Variants in DMXL2 observed in about 807,000 individuals in gnomAD.
DMXL2 encodes the protein dmX-like protein 2.
DMXL2 carries 103 observed loss-of-function variants against 331.1 expected under a neutral mutation model. That is an observed-to-expected ratio of 0.31 (90% confidence interval 0.27 to 0.37). DMXL2 has a LOEUF of 0.37. Ranked by LOEUF, DMXL2 falls within the 10% of genes least tolerant of loss-of-function variation. The pLI is 1.00. For synonymous variants in DMXL2, 1,281 were observed against 1,252.1 expected, an observed-to-expected ratio of 1.02 and a Z score of -0.49; for missense variants, 3,171 against 3,642.9, an observed-to-expected ratio of 0.87 and a Z score of 3.33.
At chr15:51,592,156 TA>T (rs2052407518) in intron 1 of DMXL2, among the ~76,000 whole-genome samples, 1 of 151,478 alleles carries the variant, frequency 6.6e-6, no homozygotes. Context: ...GCAAAGAAGT[TA>T]AAAACCTTGA....
intron 2 of DMXL2, among the ~76,000 whole-genome samples, chr15:51,569,449 A>G (rs8036821): frequency 0.48 from 73,049 of 151,924 alleles, 17,873 homozygotes; most frequent in Non-Finnish European, 0.52. Flanking sequence ...GAGAGCAGCA[A>G]TTCTCCCAGC....
intron 1 of DMXL2, among the ~76,000 whole-genome samples, chr15:51,599,584 C>T (rs1420628535): frequency 6.6e-6 from 1 of 152,220 alleles, no homozygotes; most frequent in African/African-American, 2.4e-5. Flanking sequence ...TGTATACATA[C>T]ACACATTATT....
chr15:51,511,364 C>T (rs1196900849), intron 15 of DMXL2, among the ~76,000 whole-genome samples: 15 of 152,126 alleles, frequency 9.9e-5, no homozygotes, highest in African/African-American at 3.6e-4. Flanking sequence ...ATAACCCCAT[C>T]AAAAAGTGGG....
chr15:51,612,749 C>G (rs1168025900), intron 1 of DMXL2, among the ~76,000 whole-genome samples: 1 of 152,150 alleles, frequency 6.6e-6, no homozygotes, highest in East Asian at 1.9e-4. Context: ...AACATCTTAT[C>G]AGGAGACAGG....
chr15:51,460,279 C>A, intron 33 of DMXL2: 1 of 985,488 alleles, frequency 1.0e-6, no homozygotes, highest in Non-Finnish European at 1.2e-6. Context: ...GAAACAAACT[C>A]TTCCTCATAC....
intron 1 of DMXL2, among the ~76,000 whole-genome samples, chr15:51,600,840 T>C (rs1299528671): frequency 6.6e-6 from 1 of 152,104 alleles, no homozygotes; most frequent in African/African-American, 2.4e-5. Flanking sequence ...TAAAAAACTA[T>C]CTCATGAAAG....
At chr15:51,593,936 A>G (rs1187851232) in intron 1 of DMXL2, among the ~76,000 whole-genome samples, 1 of 152,240 alleles carries the variant, frequency 6.6e-6, no homozygotes, top group Non-Finnish European at 1.5e-5. Flanking sequence ...GGAAATTTAT[A>G]GCACTAAATG....
chr15:51,463,484 A>T lies in DMXL2; in HGVS notation c.7821T>A (p.Ser2607=), dbSNP rs1279953159. The T allele has an allele frequency of 1.3e-6, 2 of 1,593,326 alleles. No individual in the cohort carries two copies. Residue 2607 remains serine (S), a synonymous_variant, in exon 33 of 44, where the codon TCT becomes TCA. Coordinates refer to ENST00000560891, the MANE Select transcript of DMXL2 (RefSeq NM_001378457.1). ...PENTPFKSRD[S]SAFPVKRLWH... ...AAAGTCGTTTGACTGGAAATGCAGA[A>T]GAATCCCGGGACCTATTAAAAAAAA...
At chr15:51,466,625 A>G (rs1371736045) in intron 29 of DMXL2, 1 of 152,044 alleles carries the variant, frequency 6.6e-6, no homozygotes, top group African/African-American at 2.4e-5. Flanking sequence ...TAGTTAGAAA[A>G]GTCTAAAGAA....
intron 1 of DMXL2, among the ~76,000 whole-genome samples, chr15:51,580,438 G>A (rs2051331104): frequency 6.6e-6 from 1 of 152,134 alleles, no homozygotes; most frequent in Admixed American, 6.5e-5. Flanking sequence ...TTATTATAGG[G>A]AGGCAAGGAA....
rs762237782 is a variant in DMXL2 at position 51,514,464 on chromosome 15, TTC to T, written c.2620_2621del (p.Glu874AsnfsTer24). 3 of 1,570,608 alleles carry T rather than the reference TTC, an allele frequency of 1.9e-6. No individual in the cohort carries two copies. The highest frequency in any genetic ancestry group is 2.6e-6 in the Non-Finnish European group (3 of 1,152,892). On this transcript the variant is annotated frameshift_variant, in exon 15 of 44. Transcript: ENST00000560891. LOFTEE classifies it high-confidence loss of function. ...TACCTTGTGATGGCTGAAAAAATAT[TTC>T]TGTTTCCTTTTTCTCCATATCTTCC... ...HKEDMEKKET[E>X]IFFQPSQGYR... is the part of the protein sequence containing the mutation.
At chr15:51,538,133 GGAA>G in intron 10 of DMXL2, 77 bp downstream of exon 10, 1 of 1,481,128 alleles carries the variant, frequency 6.8e-7, no homozygotes, top group South Asian at 1.3e-5. Flanking sequence ...AGAGCGGGAA[GGAA>G]GAATTCAAAA....
At chr15:51,501,560 G>A (rs1385715813) in intron 17 of DMXL2, among the ~76,000 whole-genome samples, 1 of 152,178 alleles carries the variant, frequency 6.6e-6, no homozygotes, top group Admixed American at 6.5e-5. Context: ...ACAAATGAAT[G>A]TATTTGTTCT....
chr15:51,545,281 T>C (rs2048827474), intron 8 of DMXL2, among the ~76,000 whole-genome samples: 1 of 152,152 alleles, frequency 6.6e-6, no homozygotes, highest in African/African-American at 2.4e-5. Context: ...CCCATAGATT[T>C]TCACATGTGA....
chr15:51,469,440 A>G (rs1283208736), intron 29 of DMXL2, among the ~76,000 whole-genome samples: 1 of 152,208 alleles, frequency 6.6e-6, no homozygotes, highest in African/African-American at 2.4e-5. Flanking sequence ...TTAATGGCAT[A>G]AAAACTGTTT....
intron 13 of DMXL2, among the ~76,000 whole-genome samples, chr15:51,531,802 C>T (rs1015543259): frequency 1.1e-4 from 16 of 152,140 alleles, no homozygotes; most frequent in African/African-American, 3.6e-4. Flanking sequence ...CAGAGAAATG[C>T]AAATCAAAAC....
intron 1 of DMXL2, among the ~76,000 whole-genome samples, chr15:51,619,099 C>T (rs2054472489): frequency 1.3e-5 from 2 of 152,148 alleles, no homozygotes; most frequent in Non-Finnish European, 2.9e-5. Flanking sequence ...TAGCCAAGGA[C>T]TATCTTTCAG....
intron 34 of DMXL2, chr15:51,459,034 T>A (rs1418475323): frequency 4.2e-6 from 2 of 471,818 alleles, no homozygotes; most frequent in Non-Finnish European, 7.6e-6. Context: ...AAGATACTGA[T>A]TAATTATAAA....
intron 18 of DMXL2, among the ~76,000 whole-genome samples, chr15:51,497,559 C>T (rs767140642): frequency 9.2e-5 from 14 of 152,112 alleles, no homozygotes; most frequent in Non-Finnish European, 2.1e-4. Context: ...TTCACTCCTC[C>T]AAAATATTTA....
Sources: gnomAD v4.1 joint callset for allele counts (sites outside exome capture counted in the v4.1 genomes callset) on GRCh38, gnomAD v4.1.1 for gene constraint, MANE v1.5 for transcripts, NCBI Gene and HGNC (gene_info 2026-07-23, HGNC 2026-07-21) for gene names.